The following AGBL4 variants were observed in gnomAD, a reference collection of about 807,000 sequenced individuals.
AGBL4 encodes cytosolic carboxypeptidase 6.
A neutral mutation model predicts 66.4 loss-of-function variants in AGBL4; 58 were observed. The ratio of observed to expected loss-of-function variants is 0.87; its 90% CI spans 0.71 to 1.09. The LOEUF (loss-of-function observed/expected upper bound fraction) is 1.09, where lower values mean the gene tolerates loss of function less well. Among genes scored for constraint, AGBL4 ranks in the 50% least tolerant of loss-of-function variants. The pLI, the probability that AGBL4 is intolerant of heterozygous loss-of-function variation, is 0.00. For synonymous variants in AGBL4, 234 were observed against 222.9 expected (o/e 1.05, Z -0.44); for missense variants, 579 against 631.0 (o/e 0.92, Z 0.88).
At chr1:49,027,412 C>T (rs1663800955) in intron 5 of AGBL4, among the ~76,000 whole-genome samples, 1 of 152,236 alleles carries the variant, frequency 6.6e-6, no homozygotes, top group South Asian at 2.1e-4. Flanking sequence ...ATCCACCTGC[C>T]TCAGCCCCTC....
chr1:49,892,378 A>T (rs1408932567), intron 1 of AGBL4, among the ~76,000 whole-genome samples: 2 of 152,168 alleles, frequency 1.3e-5, no homozygotes, highest in African/African-American at 4.8e-5. Flanking sequence ...AATCATTCCC[A>T]CTATTAAACA....
intron 3 of AGBL4, among the ~76,000 whole-genome samples, chr1:49,512,055 G>A (rs1312132533): frequency 6.6e-6 from 1 of 151,984 alleles, no homozygotes; most frequent in African/African-American, 2.4e-5. Context: ...TACATAGTAG[G>A]TATTCAAAAC....
intron 3 of AGBL4, among the ~76,000 whole-genome samples, chr1:49,485,602 T>TATA (rs1268414599): frequency 1.3e-5 from 2 of 149,846 alleles, no homozygotes; most frequent in Non-Finnish European, 3.0e-5. Context: ...AAACTTAAAG[T>TATA]ATAATAATAA....
chr1:48,936,339 G>A (rs1246895885), intron 5 of AGBL4, among the ~76,000 whole-genome samples: 3 of 152,108 alleles, frequency 2.0e-5, no homozygotes, highest in Non-Finnish European at 2.9e-5. Context: ...CAGTTTCTCG[G>A]TATCCTTCCT....
intron 2 of AGBL4, among the ~76,000 whole-genome samples, chr1:49,773,262 C>T (rs1035643796): frequency 6.6e-6 from 1 of 152,066 alleles, no homozygotes; most frequent in South Asian, 2.1e-4. Flanking sequence ...CTTGTTTGTC[C>T]TTATCGTCTT....
chr1:49,772,550 A>G (rs531268539), intron 2 of AGBL4, among the ~76,000 whole-genome samples: 8 of 152,250 alleles, frequency 5.3e-5, no homozygotes, highest in African/African-American at 1.7e-4. Flanking sequence ...AGGCCAGTCT[A>G]TTGATGAGAG....
intron 5 of AGBL4, among the ~76,000 whole-genome samples, chr1:48,989,339 A>G (rs1031129277): frequency 1.3e-4 from 20 of 152,320 alleles, no homozygotes; most frequent in Admixed American, 9.2e-4. Flanking sequence ...TGGGGTATCC[A>G]TCACCTTAAG....
In AGBL4 at chr1:48,587,022, G is replaced by T. The variant is rs191753450; in HGVS notation, c.1249C>A (p.Pro417Thr). ...YIISGTTAAV[P>T]YTEEAYMKLG... is the part of the protein sequence containing the mutation. ...AGGATACAGGCTTCTTCAGTGTAGG[G>T]CACAGCAGCCGTGGTGCCACTGATG... The change falls in exon 11 of 14, where the codon CCC becomes ACC. Residue 417 changes from proline (P) to threonine (T), a missense_variant. Pro to Thr is a conservative substitution (Grantham distance 38, BLOSUM62 -1). Coordinates refer to ENST00000371839, the MANE Select transcript of AGBL4 (RefSeq NM_032785.4). The T allele has an allele frequency of 1.4e-5, 22 of 1,609,984 alleles. No individual in the cohort carries two copies. The African/African-American group carries it at 2.9e-4, about 22-fold the overall frequency.
chr1:49,468,025 AAATG>A, intron 3 of AGBL4, among the ~76,000 whole-genome samples: 1 of 152,026 alleles, frequency 6.6e-6, no homozygotes, highest in East Asian at 1.9e-4. Flanking sequence ...TGCAAATTTT[AAATG>A]ACATTTAAAA....
rs74805058 is a variant in AGBL4 at position 49,467,199 on chromosome 1, G to T, written c.283-221335C>A. Among the ~76,000 whole-genome samples the T allele has an allele frequency of 2.8e-4, 43 of 151,844 alleles. 1 individual carries two copies. The East Asian group carries it at 8.4e-3, about 30-fold the overall frequency. ...GTAGTTAGAAAGACAGTGTGAGCCA[G>T]TTAGAAAGTGTGAGTAGTTAGAAAG... On this transcript the variant is annotated intron_variant, in intron 3 of 13. Transcript: ENST00000371839.
intron 11 of AGBL4, among the ~76,000 whole-genome samples, chr1:48,549,563 G>GTC (rs1644218990): frequency 6.6e-6 from 1 of 152,078 alleles, no homozygotes; most frequent in Admixed American, 6.6e-5. Context: ...GAGACAAAGA[G>GTC]GCCGCAGAGG....
chr1:48,911,148 T>C (rs1343424), intron 5 of AGBL4, among the ~76,000 whole-genome samples: 30,550 of 152,182 alleles, frequency 0.2, 3,651 homozygotes, highest in East Asian at 0.42. Context: ...CCATTTATTG[T>C]CTCATTTAGT....
chr1:49,193,498 G>A (rs992509736), intron 4 of AGBL4, among the ~76,000 whole-genome samples: 1 of 150,252 alleles, frequency 6.7e-6, no homozygotes, highest in African/African-American at 2.4e-5. Context: ...CCATGTATTT[G>A]CACAGTTTTG....
chr1:49,700,941 A>G (rs1647078717), intron 2 of AGBL4, among the ~76,000 whole-genome samples: 1 of 152,196 alleles, frequency 6.6e-6, no homozygotes, highest in African/African-American at 2.4e-5. Context: ...GTTAAAAAAA[A>G]TTATCTGAAT....
At chr1:49,547,953 T>C (rs1288152147) in intron 3 of AGBL4, among the ~76,000 whole-genome samples, 1 of 152,092 alleles carries the variant, frequency 6.6e-6, no homozygotes, top group Non-Finnish European at 1.5e-5. Flanking sequence ...TTTGTATTTT[T>C]AGTAGAGACG....
chr1:49,469,284 T>C (rs1418061925), intron 3 of AGBL4, among the ~76,000 whole-genome samples: 1 of 151,858 alleles, frequency 6.6e-6, no homozygotes, highest in African/African-American at 2.4e-5. Context: ...GGGAAATATC[T>C]TTTAAATTTT....
intron 1 of AGBL4, among the ~76,000 whole-genome samples, chr1:49,885,430 C>A (rs1372048248): frequency 6.6e-6 from 1 of 151,866 alleles, no homozygotes; most frequent in African/African-American, 2.4e-5. Context: ...TTTATAAAAT[C>A]TTTCCATGTT....
chr1:48,898,249 G>C (rs986649918), intron 5 of AGBL4, among the ~76,000 whole-genome samples: 99 of 152,192 alleles, frequency 6.5e-4, no homozygotes, highest in African/African-American at 2.3e-3. Flanking sequence ...CCATTCTGTG[G>C]GTTGTCTCTC....
intron 6 of AGBL4, among the ~76,000 whole-genome samples, chr1:48,848,942 T>G (rs1646975792): frequency 6.6e-6 from 1 of 152,244 alleles, no homozygotes; most frequent in African/African-American, 2.4e-5. Context: ...TTTCTTCTTC[T>G]TATTCAAAAG....
Sources: allele counts gnomAD v4.1 joint callset (sites outside exome capture counted in the v4.1 genomes callset), GRCh38; gene constraint gnomAD v4.1.1; transcripts MANE v1.5; gene names NCBI Gene and HGNC (gene_info 2026-07-23, HGNC 2026-07-21).